Variants in ECM2 observed in about 807,000 individuals in gnomAD.
The protein encoded by ECM2 is extracellular matrix protein 2.
ECM2 carries 57 observed loss-of-function variants against 67.5 expected under a neutral mutation model. That is an observed-to-expected ratio of 0.84 (90% CI 0.68 to 1.05). The LOEUF (loss-of-function observed/expected upper bound fraction) is 1.05, where lower values mean the gene tolerates loss of function less well. Ranked by LOEUF, ECM2 falls within the 50% of genes least tolerant of loss-of-function variation. The pLI is 0.00. For synonymous variants in ECM2, 258 were observed against 294.5 expected, an observed-to-expected ratio of 0.88 and a Z score of 1.27; for missense variants, 741 against 822.8, an observed-to-expected ratio of 0.90 and a Z score of 1.22.
intron 6 of ECM2, among the ~76,000 whole-genome samples, chr9:92,508,229 T>G (rs896118464): frequency 2.0e-5 from 3 of 152,260 alleles, no homozygotes; most frequent in Middle Eastern, 6.8e-3. Context: ...CTCTTAGAAC[T>G]CAGCCCACCC....
chr9:92,518,967 A>G (rs1308798827), intron 2 of ECM2, among the ~76,000 whole-genome samples: 1 of 152,164 alleles, frequency 6.6e-6, no homozygotes, highest in Non-Finnish European at 1.5e-5. Flanking sequence ...AGATATGTGG[A>G]TAAGTGTATC....
intron 6 of ECM2, among the ~76,000 whole-genome samples, chr9:92,509,292 T>G (rs1277956792): frequency 6.6e-6 from 1 of 152,130 alleles, no homozygotes. Flanking sequence ...ATTGCCAAAG[T>G]CAAAGTTAAT....
chr9:92,552,788 G>T, the ECM2 span, among the ~76,000 whole-genome samples: 1 of 152,176 alleles, frequency 6.6e-6, no homozygotes, highest in South Asian at 2.1e-4. Context: ...CCACTCTGTG[G>T]GTTGTCTGTT....
chr9:92,549,959 C>T, the ECM2 span, among the ~76,000 whole-genome samples: 1 of 152,166 alleles, frequency 6.6e-6, no homozygotes, highest in African/African-American at 2.4e-5. Flanking sequence ...TCCACCAAGC[C>T]ACTAGAGTCT....
intron 9 of ECM2, 94 bp from the exon 10 acceptor site, chr9:92,496,577 T>G: frequency 6.7e-7 from 1 of 1,487,386 alleles, no homozygotes; most frequent in South Asian, 1.3e-5. Flanking sequence ...ATTTTGTTCT[T>G]AAAATAAAGT....
At chr9:92,541,996 C>G in the ECM2 span, among the ~76,000 whole-genome samples, 1 of 152,226 alleles carries the variant, frequency 6.6e-6, no homozygotes, top group African/African-American at 2.4e-5. Context: ...GTTTCATTAT[C>G]TTGGCCAGGC....
the ECM2 span, among the ~76,000 whole-genome samples, chr9:92,551,925 G>GTATATATATA: frequency 6.8e-3 from 573 of 84,472 alleles, 8 homozygotes; most frequent in South Asian, 0.013. Flanking sequence ...TGGTGTGTGT[G>GTATATATATA]TATATATATA....
chr9:92,507,611 G>A (rs1266989408), intron 6 of ECM2, among the ~76,000 whole-genome samples: 1 of 152,214 alleles, frequency 6.6e-6, no homozygotes, highest in East Asian at 1.9e-4. Flanking sequence ...TACCATGACA[G>A]GCTGTGGACA....
At chr9:92,522,302 G>T (rs916105759) in intron 2 of ECM2, among the ~76,000 whole-genome samples, 8 of 152,052 alleles carry the variant, frequency 5.3e-5, no homozygotes, top group African/African-American at 1.9e-4. Context: ...TGGCCAGGCT[G>T]GTCTTAAACT....
At chr9:92,526,138 C>T (rs1160813018) in intron 1 of ECM2, among the ~76,000 whole-genome samples, 1 of 151,996 alleles carries the variant, frequency 6.6e-6, no homozygotes, top group Non-Finnish European at 1.5e-5. Context: ...GAAGACCTTC[C>T]AGTGGGACAA....
chr9:92,533,328 A>AAAAAAATATATATATAT (rs1554683138), intron 1 of ECM2, among the ~76,000 whole-genome samples: 1 of 38,336 alleles, frequency 2.6e-5, no homozygotes. Context: ...AAAAAAAAAA[A>AAAAAAATATATATATAT]ATATATATAT....
At chr9:92,519,473 C>T (rs1847929545) in intron 2 of ECM2, among the ~76,000 whole-genome samples, 1 of 152,118 alleles carries the variant, frequency 6.6e-6, no homozygotes, top group African/African-American at 2.4e-5. Flanking sequence ...TAAGCATAGA[C>T]GTATAGGCCA....
chr9:92,546,410 G>C, the ECM2 span, among the ~76,000 whole-genome samples: 2 of 152,114 alleles, frequency 1.3e-5, no homozygotes, highest in Non-Finnish European at 2.9e-5. Context: ...TTGGGTCCAC[G>C]CTGACTTTAT....
At chr9:92,525,076 C>T (rs1344912350) in intron 1 of ECM2, among the ~76,000 whole-genome samples, 1 of 152,062 alleles carries the variant, frequency 6.6e-6, no homozygotes, top group Non-Finnish European at 1.5e-5. Flanking sequence ...CTATAGGAGG[C>T]CGAAACCAAG....
chr9:92,539,362 C>T (rs1849264797), upstream of ECM2, among the ~76,000 whole-genome samples: 1 of 143,660 alleles, frequency 7.0e-6, no homozygotes, highest in African/African-American at 2.5e-5. Flanking sequence ...CCCCCCACCC[C>T]AACCCACTGC....
chr9:92,510,073 C>G, intron 5 of ECM2, 39 bp from the exon 6 acceptor site: 2 of 1,567,942 alleles, frequency 1.3e-6, no homozygotes, highest in Non-Finnish European at 1.7e-6. Context: ...TTTATCTAGT[C>G]ACAGCTGTGC....
intron 9 of ECM2, among the ~76,000 whole-genome samples, chr9:92,498,585 A>C (rs1349394113): frequency 6.6e-6 from 1 of 152,174 alleles, no homozygotes; most frequent in Admixed American, 6.5e-5. Flanking sequence ...AGAAAAGAGC[A>C]ATTTCTAAAA....
Position 92,496,206 on chromosome 9 carries a change from T to G in ECM2, c.*109A>C. The G allele has an allele frequency of 6.9e-7, 1 of 1,445,234 alleles. No individual in the cohort carries two copies. The highest frequency in any genetic ancestry group is 9.0e-7 in the Non-Finnish European group (1 of 1,108,774). The allele number at this position is 1,445,234 out of a possible 1,614,324, so 89.5% of individuals were successfully genotyped here. On this transcript the variant is annotated 3_prime_UTR_variant, in exon 10 of 10. Transcript: ENST00000344604. ...TGTTAGTGAATCAGGTTGACTAGCATATAATGATACTGAGTATAACAGGAG... is the reference window on the plus strand; with the variant it reads ...TGTTAGTGAATCAGGTTGACTAGCAGATAATGATACTGAGTATAACAGGAG...
chr9:92,506,594 G>A (rs543297799), intron 6 of ECM2, among the ~76,000 whole-genome samples: 226 of 152,306 alleles, frequency 1.5e-3, no homozygotes, highest in Admixed American at 1.9e-3. Flanking sequence ...GTGGGACTCC[G>A]TTCTGCTCTT....
Sources: allele counts gnomAD v4.1 joint callset (sites outside exome capture counted in the v4.1 genomes callset), GRCh38; gene constraint gnomAD v4.1.1; transcripts MANE v1.5; gene names NCBI Gene and HGNC (gene_info 2026-07-23, HGNC 2026-07-21).